Variants in ADGRL3 observed in about 807,000 individuals in gnomAD.
ADGRL3 encodes the protein calcium-independent alpha-latrotoxin receptor 3.
In ADGRL3, 62 loss-of-function variants were observed where a neutral mutation model predicts 153.5. The ratio of observed to expected loss-of-function variants is 0.40; its 90% confidence interval spans 0.33 to 0.50. The LOEUF is 0.50. ADGRL3 is among the 20% of genes least tolerant of loss of function. The pLI, the probability that ADGRL3 is intolerant of heterozygous loss-of-function variation, is 0.47. For synonymous variants in ADGRL3, 710 were observed against 672.5 expected, an observed-to-expected ratio of 1.06 and a Z score of -0.86; for missense variants, 1,641 against 1,859.4, an observed-to-expected ratio of 0.88 and a Z score of 2.16.
At position 61,795,747 on chromosome 4, in the gene ADGRL3, A is replaced by AT. The variant is rs935450823; in HGVS notation, c.1400-18056dup. 5.9e-5 allele frequency among the ~76,000 whole-genome samples: 9 copies of AT among 152,206 alleles called. No individual in the cohort carries two copies. In the East Asian group the frequency reaches 7.7e-4, roughly 13 times the overall value. On this transcript the variant is annotated intron_variant, in intron 8 of 26. Coordinates refer to ENST00000683033, the MANE Select transcript of ADGRL3 (RefSeq NM_001387552.1). ...CTATTCTTAAAAAATAAAATGAGAG[A>AT]TTTTTTATTCCGCTTCCCCAAGCAG... is the stretch of plus-strand genomic sequence containing the variant.
chr4:61,529,390 C>G lies in ADGRL3; in HGVS notation c.259+11872C>G, dbSNP rs141534983. ...CTATATTACATGTATTATAGTTAGG[C>G]TAACCATATGTTCTAGTTTGCTTAG... On this transcript the variant is annotated intron_variant, in intron 4 of 26. Coordinates refer to ENST00000683033, the MANE Select transcript of ADGRL3 (RefSeq NM_001387552.1). 3.0e-4 allele frequency among the ~76,000 whole-genome samples: 46 copies of G among 152,240 alleles called. No individual in the cohort carries two copies. In the East Asian group the frequency reaches 8.5e-3, roughly 28 times the overall value.
chr4:61,202,857 C>T lies in ADGRL3; in HGVS notation c.-240+1092C>T, dbSNP rs1436092212. Reference sequence around the variant, plus strand: ...TTTGAGTGTGTGCGCATTTTTGCGCCCCAGGGACGGCAGAGAGATATTTGC... The same window carrying T: ...TTTGAGTGTGTGCGCATTTTTGCGCTCCAGGGACGGCAGAGAGATATTTGC... On this transcript the variant is annotated intron_variant, in intron 1 of 26. Transcript: ENST00000683033. This position sits in a 1 kb window ranked among gnomAD's most constrained non-coding sequence, Gnocchi z 5.0. Among the ~76,000 whole-genome samples the T allele has an allele frequency of 1.3e-5, 2 of 152,078 alleles. No homozygotes were observed. Among genetic ancestry groups the T allele is most frequent in the African/African-American group, 2.4e-5 (1 of 41,410 alleles).
chr4:62,044,115 T>C (rs1040087350), intron 24 of ADGRL3, among the ~76,000 whole-genome samples: 1 of 152,052 alleles, frequency 6.6e-6, no homozygotes, highest in Non-Finnish European at 1.5e-5. Context: ...TGTTTTACCT[T>C]GGAAATTAAA....
chr4:61,799,226 C>T (rs914728481), intron 8 of ADGRL3, among the ~76,000 whole-genome samples: 1 of 151,312 alleles, frequency 6.6e-6, no homozygotes, highest in Non-Finnish European at 1.5e-5. Context: ...TACAATTATG[C>T]CAGGTTATCT....
At chr4:61,711,458 T>TTTTATATATATATA (rs1491302780) in intron 6 of ADGRL3, among the ~76,000 whole-genome samples, 1,258 of 34,478 alleles carry the variant, frequency 0.036, 107 homozygotes, top group East Asian at 0.048. Context: ...ATATGCTTCA[T>TTTTATATATATATA]TATATATATA....
intron 5 of ADGRL3, among the ~76,000 whole-genome samples, chr4:61,646,561 T>A (rs1560993361): frequency 6.6e-6 from 1 of 151,036 alleles, no homozygotes; most frequent in Non-Finnish European, 1.5e-5. Flanking sequence ...CTGCCCGTAC[T>A]GAGGGGTGCC....
rs1311283342 is a variant in ADGRL3 at position 61,909,700 on chromosome 4, C to A, written c.2028C>A (p.Asn676Lys). Residue 676 changes from asparagine to lysine, a missense_variant, in exon 12 of 27, where the codon AAC becomes AAA. Transcript: ENST00000683033. ...GCCTCCTAGATGTACAGCTTCGGAA[C>A]TTGACCCCAGGTGGAAAAGATAGTG... Reference protein sequence around the residue: ...LVGLLDVQLRNLTPGGKDSAA... With the variant: ...LVGLLDVQLRKLTPGGKDSAA... 1 of 1,585,806 alleles carries A rather than the reference C, an allele frequency of 6.3e-7. No individual in the cohort carries two copies. Among genetic ancestry groups the A allele is most frequent in the East Asian group, 2.3e-5 (1 of 43,536 alleles).
At chr4:61,719,173 G>A (rs2096185707) in intron 6 of ADGRL3, among the ~76,000 whole-genome samples, 1 of 151,774 alleles carries the variant, frequency 6.6e-6, no homozygotes, top group Admixed American at 6.6e-5. Context: ...TATTCTTTCT[G>A]TCACTATCTC....
chr4:61,517,547 G>A (rs1162190396), intron 4 of ADGRL3, 29 bp downstream of exon 4: 1 of 697,670 alleles, frequency 1.4e-6, no homozygotes, highest in Non-Finnish European at 2.6e-6. Flanking sequence ...AGAGAGGGCT[G>A]GGGGTGGCTG....
At chr4:61,974,238 G>C (rs1305548261) in intron 17 of ADGRL3, among the ~76,000 whole-genome samples, 4 of 151,996 alleles carry the variant, frequency 2.6e-5, no homozygotes, top group Non-Finnish European at 4.4e-5. Flanking sequence ...CAAAGCGCTG[G>C]GATTATAGGA....
intron 8 of ADGRL3, among the ~76,000 whole-genome samples, chr4:61,741,636 G>C (rs933803031): frequency 1.3e-5 from 2 of 152,124 alleles, no homozygotes; most frequent in African/African-American, 4.8e-5. Flanking sequence ...AACCTTTCCT[G>C]TATTTTTATG....
At chr4:61,975,352 G>T (rs1391612429) in intron 17 of ADGRL3, among the ~76,000 whole-genome samples, 1 of 152,072 alleles carries the variant, frequency 6.6e-6, no homozygotes, top group East Asian at 1.9e-4. Context: ...GAGTATTCCA[G>T]TCCAAAGGAG....
At chr4:61,583,543 A>G (rs2098934540) in intron 4 of ADGRL3, 1 of 365,570 alleles carries the variant, frequency 2.7e-6, no homozygotes, top group African/African-American at 2.1e-5. Flanking sequence ...TGATATTTAT[A>G]TTTTATGTGC....
At chr4:61,724,878 T>C (rs549962001) in intron 6 of ADGRL3, among the ~76,000 whole-genome samples, 1 of 152,196 alleles carries the variant, frequency 6.6e-6, no homozygotes, top group Non-Finnish European at 1.5e-5. Context: ...ACATGAGTTA[T>C]TCAGCACAGG....
chr4:61,476,431 C>T (rs570452091), intron 2 of ADGRL3, among the ~76,000 whole-genome samples: 1 of 151,968 alleles, frequency 6.6e-6, no homozygotes, highest in Non-Finnish European at 1.5e-5. Context: ...TTTGGCCAGG[C>T]GCTGTGGCTC....
At chr4:61,544,045 C>T (rs1343670632) in intron 4 of ADGRL3, among the ~76,000 whole-genome samples, 17 of 152,174 alleles carry the variant, frequency 1.1e-4, no homozygotes, top group Non-Finnish European at 1.8e-4. Flanking sequence ...TTAAAAACAA[C>T]GTGACAAGCG....
At chr4:61,515,546 A>G (rs1015069028) in intron 3 of ADGRL3, among the ~76,000 whole-genome samples, 1 of 152,188 alleles carries the variant, frequency 6.6e-6, no homozygotes, top group Non-Finnish European at 1.5e-5. Context: ...TCCAGCACCT[A>G]GAAGAGGTCC....
chr4:61,923,846 C>T (rs996743459), intron 13 of ADGRL3, among the ~76,000 whole-genome samples: 1 of 152,134 alleles, frequency 6.6e-6, no homozygotes, highest in African/African-American at 2.4e-5. Context: ...TGCGAAGGAA[C>T]AGTGCCACTT....
intron 1 of ADGRL3, among the ~76,000 whole-genome samples, chr4:61,218,717 T>A (rs1744020674): frequency 6.6e-6 from 1 of 152,118 alleles, no homozygotes; most frequent in Non-Finnish European, 1.5e-5. Flanking sequence ...AAGCAGCACC[T>A]TCCTGAAGAA....
Sources: allele counts gnomAD v4.1 joint callset (sites outside exome capture counted in the v4.1 genomes callset), GRCh38; gene constraint gnomAD v4.1.1; non-coding constraint Gnocchi (gnomAD v3.1); transcripts MANE v1.5; gene names NCBI Gene and HGNC (gene_info 2026-07-23, HGNC 2026-07-21).